Variants in UNC13C observed in about 807,000 individuals in gnomAD.
UNC13C encodes protein unc-13 homolog C.
A neutral mutation model predicts 245.4 loss-of-function variants in UNC13C; 174 were observed. That is an observed-to-expected ratio of 0.71 (90% confidence interval 0.63 to 0.80). UNC13C has a LOEUF of 0.80. Ranked by LOEUF, UNC13C falls within the 30% of genes least tolerant of loss-of-function variation. The probability of loss-of-function intolerance (pLI) is 0.00; values close to 1 mark genes in which losing one functional copy is unlikely to be tolerated. For synonymous variants in UNC13C, 992 were observed against 895.1 expected (o/e 1.11, Z -1.93); for missense variants, 2,829 against 2,602.9 (o/e 1.09, Z -1.89).
chr15:54,228,419 A>G lies in UNC13C; in HGVS notation c.3072-6611A>G, dbSNP rs529231139. On this transcript the variant is annotated intron_variant, in intron 4 of 32. Transcript: ENST00000260323. The stretch of plus-strand genomic sequence containing the variant: ...CTTTTCTCTCCGTTTCTCAAGCAGA[A>G]TGGGTCTCTCCCCATTGCCATCACA... Among the ~76,000 whole-genome samples, 8 of 152,146 alleles carry G rather than the reference A, an allele frequency of 5.3e-5. No individual in the cohort carries two copies. The East Asian group carries it at 9.7e-4, about 18-fold the overall frequency.
At chr15:54,454,124 GAT>G (rs111937074) in intron 19 of UNC13C, among the ~76,000 whole-genome samples, 4 of 87,670 alleles carry the variant, frequency 4.6e-5, no homozygotes, top group African/African-American at 2.0e-4. Context: ...TTTTTATTGT[GAT>G]ATATATATAT....
At chr15:54,050,479 G>T in intron 2 of UNC13C, 1 of 543,802 alleles carries the variant, frequency 1.8e-6, no homozygotes, top group South Asian at 1.4e-5. Context: ...CCAAGTCTTT[G>T]ACCAAATTTT....
chr15:53,960,264 G>C, the UNC13C span, among the ~76,000 whole-genome samples: 2 of 151,742 alleles, frequency 1.3e-5, no homozygotes, highest in African/African-American at 4.8e-5. Flanking sequence ...ACCATAGGGA[G>C]TTGTGAGACT....
chr15:54,489,450 A>G (rs964673445), intron 19 of UNC13C, among the ~76,000 whole-genome samples: 4 of 152,218 alleles, frequency 2.6e-5, no homozygotes, highest in Non-Finnish European at 4.4e-5. Flanking sequence ...ACACTGATAC[A>G]GTTCCAACAG....
chr15:54,161,892 G>A (rs1211915667), intron 4 of UNC13C, among the ~76,000 whole-genome samples: 1 of 152,090 alleles, frequency 6.6e-6, no homozygotes, highest in African/African-American at 2.4e-5. Flanking sequence ...AAGTTGCAGT[G>A]AGCCGAGATT....
intron 2 of UNC13C, among the ~76,000 whole-genome samples, chr15:54,078,293 A>G (rs536743378): frequency 6.6e-6 from 1 of 152,180 alleles, no homozygotes; most frequent in South Asian, 2.1e-4. Context: ...TGCTGCAATA[A>G]CCATAAGAGT....
chr15:54,516,974 A>G (rs1287983010), intron 24 of UNC13C, among the ~76,000 whole-genome samples: 1 of 152,136 alleles, frequency 6.6e-6, no homozygotes, highest in Admixed American at 6.6e-5. Flanking sequence ...AAGTATTTGT[A>G]TTAAAGAATA....
chr15:54,175,638 G>T (rs953112264), intron 4 of UNC13C, among the ~76,000 whole-genome samples: 1 of 150,540 alleles, frequency 6.6e-6, no homozygotes, highest in Non-Finnish European at 1.5e-5. Context: ...TCAGCCTCCC[G>T]AGTAGCTGGG....
chr15:54,628,879 C>T (rs908142451), downstream of UNC13C: 1 of 151,878 alleles, frequency 6.6e-6, no homozygotes, highest in African/African-American at 2.4e-5. Context: ...TGTGGTGATT[C>T]CTCAAAGACC....
chr15:54,399,323 G>T (rs1162260763), intron 18 of UNC13C, among the ~76,000 whole-genome samples: 6 of 151,510 alleles, frequency 4.0e-5, no homozygotes, highest in Non-Finnish European at 8.9e-5. Context: ...AGTCCTTTAG[G>T]TTGATATCGA....
rs28537248 is a variant in UNC13C at position 54,494,639 on chromosome 15, C to A, written c.4965C>A (p.Thr1655=). 3 of 1,609,020 alleles carry A rather than the reference C, an allele frequency of 1.9e-6. No individual in the cohort carries two copies. The highest frequency in any genetic ancestry group is 1.7e-5 in the Admixed American group (1 of 59,428). ...EHENQRLCKS[T]DYMNLHFKVK... ...AAAATCAGCGGTTATGCAAGAGCACCGATTATATGAATTTGCATTTCAAAG... is the reference window on the plus strand; with the variant it reads ...AAAATCAGCGGTTATGCAAGAGCACAGATTATATGAATTTGCATTTCAAAG... The change falls in exon 20 of 33, where the codon ACC becomes ACA. Residue 1655 remains threonine (T), a synonymous_variant. Transcript: ENST00000260323.
At chr15:54,375,600 G>C (rs1237294645) in intron 17 of UNC13C, among the ~76,000 whole-genome samples, 1 of 152,236 alleles carries the variant, frequency 6.6e-6, no homozygotes, top group Non-Finnish European at 1.5e-5. Flanking sequence ...ACTACATTGT[G>C]TGAGTCTGAT....
the UNC13C span, among the ~76,000 whole-genome samples, chr15:53,879,517 T>C: frequency 6.6e-6 from 1 of 152,200 alleles, no homozygotes; most frequent in African/African-American, 2.4e-5. Context: ...ATGTTAATTG[T>C]TATATATAGG....
intron 26 of UNC13C, among the ~76,000 whole-genome samples, chr15:54,537,050 T>C (rs967293014): frequency 6.6e-6 from 1 of 151,994 alleles, no homozygotes; most frequent in Non-Finnish European, 1.5e-5. Flanking sequence ...TCTGTTCACA[T>C]ATGATGTGAT....
At position 54,332,126 on chromosome 15, in the gene UNC13C, A is replaced by G; in HGVS notation, c.4494+15A>G. The G allele has an allele frequency of 6.6e-7, 1 of 1,520,118 alleles. No individual in the cohort carries two copies. Among genetic ancestry groups the G allele is most frequent in the Non-Finnish European group, 8.9e-7 (1 of 1,127,772 alleles). 94.2% of individuals were successfully genotyped at this position (1,520,118 alleles called of 1,614,324 possible). A position where few individuals can be genotyped will look rare whatever the true frequency, so the allele number is the denominator to read the frequency against. ...CAAAGTATAGGGTATGTACAAATTT[A>G]CTTGCCTAAAAGAAAACTGTTGTTT... On this transcript the variant is annotated intron_variant, in intron 15 of 32. Transcript: ENST00000260323.
chr15:54,346,048 C>T (rs753071642), intron 17 of UNC13C, among the ~76,000 whole-genome samples: 3 of 152,254 alleles, frequency 2.0e-5, no homozygotes, highest in East Asian at 1.9e-4. Context: ...TCTCTATTCT[C>T]ATAATACCCT....
At chr15:54,372,907 A>G (rs1334945112) in intron 17 of UNC13C, among the ~76,000 whole-genome samples, 1 of 152,214 alleles carries the variant, frequency 6.6e-6, no homozygotes, top group Non-Finnish European at 1.5e-5. Flanking sequence ...TTTAAAAATA[A>G]ATTTCAACAT....
chr15:54,013,935 T>C lies in UNC13C; in HGVS notation c.1032T>C (p.Asp344=), dbSNP rs371029211. 6.2e-7 allele frequency: 1 copy of C among 1,613,284 alleles called. No individual in the cohort carries two copies. Among genetic ancestry groups the C allele is most frequent in the East Asian group, 2.2e-5 (1 of 44,866 alleles). ...VESVVYQILI[D]KMGFSDAPNA... is the part of the protein sequence containing the mutation. ...GCGTGGTGTACCAAATTCTAATAGA[T>C]AAAATGGGTTTTTCAGATGCACCAA... The change falls in exon 2 of 33, where the codon GAT becomes GAC. Residue 344 remains aspartate, a synonymous_variant. Coordinates refer to ENST00000260323, the MANE Select transcript of UNC13C (RefSeq NM_001080534.3).
At chr15:53,931,624 G>A in the UNC13C span, among the ~76,000 whole-genome samples, 5 of 151,928 alleles carry the variant, frequency 3.3e-5, no homozygotes, top group East Asian at 7.7e-4. Context: ...GGGCTCTTGC[G>A]TTCTGGCTTA....
Sources: gnomAD v4.1 joint callset for allele counts (sites outside exome capture counted in the v4.1 genomes callset) on GRCh38, gnomAD v4.1.1 for gene constraint, MANE v1.5 for transcripts, NCBI Gene and HGNC (gene_info 2026-07-23, HGNC 2026-07-21) for gene names.